STK3: variants seen among roughly 807,000 people sequenced by gnomAD.
STK3 encodes serine/threonine kinase 3, also known as serine/threonine-protein kinase 3.
In STK3, 41 loss-of-function variants were observed where a neutral mutation model predicts 58.0. That is an observed-to-expected ratio of 0.71 (90% CI 0.55 to 0.92). The LOEUF is 0.92. STK3 is among the 40% of genes least tolerant of loss of function. The pLI is 0.00. For missense variants in STK3, 479 were observed against 602.7 expected (o/e 0.79, Z 2.15); for synonymous variants, 170 against 191.0 (o/e 0.89, Z 0.91).
downstream of STK3, among the ~76,000 whole-genome samples, chr8:98,368,652 T>C (rs552214908): frequency 4.2e-4 from 64 of 152,200 alleles, 1 homozygote; most frequent in South Asian, 0.012. Context: ...CACAAAAGCG[T>C]GTCAGAATGA....
intron 1 of STK3, among the ~76,000 whole-genome samples, chr8:98,775,132 G>A (rs1831590088): frequency 6.6e-6 from 1 of 152,026 alleles, no homozygotes; most frequent in South Asian, 2.1e-4. Context: ...ATATTGTCAT[G>A]TTGTCTACTG....
At chr8:98,843,341 A>T (rs1318381740) in intron 3 of STK3, among the ~76,000 whole-genome samples, 1 of 152,200 alleles carries the variant, frequency 6.6e-6, no homozygotes, top group African/African-American at 2.4e-5. Flanking sequence ...CCTGAAATAG[A>T]GCAATTCCAA....
In STK3 at chr8:98,805,582, T is replaced by A. The variant is rs1008712015; in HGVS notation, c.26+19933A>T. 7.3e-5 allele frequency among the ~76,000 whole-genome samples: 11 copies of A among 150,528 alleles called. No homozygotes were observed. The East Asian group carries it at 1.2e-3, about 16-fold the overall frequency. ...AGAGCAAAACTCCATCTCCAAAAAATAATAATAATAATAATAATAATAACT... is the reference window on the plus strand; with the variant it reads ...AGAGCAAAACTCCATCTCCAAAAAAAAATAATAATAATAATAATAATAACT... On this transcript the variant is annotated intron_variant, in intron 1 of 10. Transcript: ENST00000419617.
intron 3 of STK3, among the ~76,000 whole-genome samples, chr8:98,421,700 C>T (rs1223945024): frequency 2.6e-5 from 4 of 152,152 alleles, no homozygotes; most frequent in East Asian, 1.9e-4. Context: ...TGCTTGAACC[C>T]GGGAGGTGGA....
chr8:98,764,188 AGTG>A, intron 3 of STK3, among the ~76,000 whole-genome samples: 1 of 152,366 alleles, frequency 6.6e-6, no homozygotes, highest in South Asian at 2.1e-4. Flanking sequence ...TCTGCTATAA[AGTG>A]GTACAAAAGT....
At chr8:98,782,777 A>G (rs1462371343) in intron 1 of STK3, 1 of 152,270 alleles carries the variant, frequency 6.6e-6, no homozygotes, top group African/African-American at 2.4e-5. Context: ...TAGACAGTGC[A>G]GCACAAAAGA....
intron 10 of STK3, among the ~76,000 whole-genome samples, chr8:98,519,973 G>A (rs1467494315): frequency 6.6e-6 from 1 of 152,012 alleles, no homozygotes; most frequent in East Asian, 1.9e-4. Context: ...GTTAACAGAT[G>A]GCTTTTGAAG....
chr8:98,911,259 G>A lies in STK3; in HGVS notation c.-78-27425C>T, dbSNP rs542969595. 7.2e-5 allele frequency among the ~76,000 whole-genome samples: 11 copies of A among 152,234 alleles called. 1 individual carries two copies. Among genetic ancestry groups the A allele is most frequent in the African/African-American group, 2.4e-4 (10 of 41,530 alleles). ...AGCTCTTTATGTATAGATAAATTAG[G>A]TAGACCACAACTAATTGTTAAGTCA... On this transcript the variant is annotated intron_variant, in intron 1 of 1. Coordinates refer to the STK3 transcript ENST00000519420.
At chr8:98,549,018 C>G (rs1328675890) in intron 8 of STK3, among the ~76,000 whole-genome samples, 1 of 152,060 alleles carries the variant, frequency 6.6e-6, no homozygotes, top group African/African-American at 2.4e-5. Flanking sequence ...TGTTGATGGC[C>G]ATTTGGATTG....
chr8:98,668,636 A>C (rs936576233), intron 6 of STK3, among the ~76,000 whole-genome samples: 1 of 152,202 alleles, frequency 6.6e-6, no homozygotes, highest in Non-Finnish European at 1.5e-5. Context: ...CATGTATTTT[A>C]ATAGTAAAAG....
chr8:98,790,038 A>AAG (rs1832711593), intron 1 of STK3, among the ~76,000 whole-genome samples: 1 of 151,226 alleles, frequency 6.6e-6, no homozygotes, highest in African/African-American at 2.4e-5. Context: ...CAAAAAAAAA[A>AAG]AAAAAAAAAG....
intron 3 of STK3, chr8:98,434,094 G>A (rs1357019460): frequency 6.6e-6 from 1 of 152,256 alleles, no homozygotes; most frequent in African/African-American, 2.4e-5. Flanking sequence ...GGTGTATGGA[G>A]CAGATGGCTC....
intron 7 of STK3, among the ~76,000 whole-genome samples, chr8:98,589,295 T>C (rs939186978): frequency 3.3e-5 from 5 of 152,206 alleles, no homozygotes; most frequent in African/African-American, 1.2e-4. Flanking sequence ...GTCCTTTCTG[T>C]TTGTTAGTTT....
chr8:98,566,393 A>G (rs2131659514), intron 8 of STK3, among the ~76,000 whole-genome samples: 1 of 152,270 alleles, frequency 6.6e-6, no homozygotes, highest in East Asian at 1.9e-4. Flanking sequence ...ACTAGATAGA[A>G]GTAAATTAAA....
At chr8:98,526,667 A>G in intron 10 of STK3, 75 bp downstream of exon 10, 2 of 1,295,104 alleles carry the variant, frequency 1.5e-6, no homozygotes, top group Non-Finnish European at 2.1e-6. Flanking sequence ...TCATATACAT[A>G]TGAACTATGC....
At chr8:98,589,741 A>G (rs1013619748) in intron 7 of STK3, among the ~76,000 whole-genome samples, 2 of 152,196 alleles carry the variant, frequency 1.3e-5, no homozygotes, top group Non-Finnish European at 2.9e-5. Flanking sequence ...TGTGCTAGCA[A>G]TCAGCGAGAC....
intron 1 of STK3, chr8:98,437,439 G>A (rs897765296): frequency 6.6e-6 from 1 of 152,264 alleles, no homozygotes; most frequent in Admixed American, 6.5e-5. Context: ...AGCAGTCCCT[G>A]GGCACCCAGG....
chr8:98,844,977 G>T (rs994642892), intron 3 of STK3, among the ~76,000 whole-genome samples: 2 of 152,186 alleles, frequency 1.3e-5, no homozygotes, highest in African/African-American at 2.4e-5. Context: ...ACTGACAATG[G>T]TTGGAGCAGA....
At chr8:98,487,211 T>A (rs1379714092) in intron 10 of STK3, among the ~76,000 whole-genome samples, 1 of 152,110 alleles carries the variant, frequency 6.6e-6, no homozygotes, top group African/African-American at 2.4e-5. Flanking sequence ...ATAAATTCAA[T>A]GAGAAGTATA....
Sources: gnomAD v4.1 joint callset for allele counts (sites outside exome capture counted in the v4.1 genomes callset) on GRCh38, gnomAD v4.1.1 for gene constraint, MANE v1.5 for transcripts, NCBI Gene and HGNC (gene_info 2026-07-23, HGNC 2026-07-21) for gene names.